Variants in PDE10A observed in about 807,000 individuals in gnomAD.
The protein encoded by PDE10A is cAMP and cAMP-inhibited cGMP 3',5'-cyclic phosphodiesterase 10A.
PDE10A carries 39 observed loss-of-function variants against 97.7 expected under a neutral mutation model. The ratio of observed to expected loss-of-function variants is 0.40; its 90% CI spans 0.31 to 0.52. The LOEUF (loss-of-function observed/expected upper bound fraction) is 0.52. Among genes scored for constraint, PDE10A ranks in the 20% least tolerant of loss-of-function variants. The pLI is 0.56. For missense variants in PDE10A, 731 were observed against 1,047.8 expected (o/e 0.70, Z 4.17); for synonymous variants, 371 against 376.8 (o/e 0.98, Z 0.18).
chr6:165,343,554 T>A (rs774418958), intron 18 of PDE10A, 52 bp from the exon 19 acceptor site: 3 of 1,273,000 alleles, frequency 2.4e-6, no homozygotes, highest in Non-Finnish European at 3.5e-6. Flanking sequence ...ACATTTATAG[T>A]AAGGACTAGA....
At chr6:165,872,999 G>A (rs954924731) in intron 1 of PDE10A, among the ~76,000 whole-genome samples, 3 of 152,180 alleles carry the variant, frequency 2.0e-5, no homozygotes, top group African/African-American at 4.8e-5. Context: ...GGGTAACGCC[G>A]ATGTGGGAGG....
rs1433382088 is a variant in PDE10A at position 165,623,044 on chromosome 6, C to A, written c.865+38903G>T. On this transcript the variant is annotated intron_variant, in intron 1 of 21. Transcript: ENST00000539869. The stretch of plus-strand genomic sequence containing the variant: ...ATGAGTGTAAACTTCCTGAGGCCCA[C>A]CCAGAAGCTGAGCAGATGCCAGCAT... 2.6e-5 allele frequency among the ~76,000 whole-genome samples: 4 copies of A among 152,356 alleles called. No individual in the cohort carries two copies. In the East Asian group the frequency reaches 7.7e-4, roughly 29 times the overall value.
chr6:165,632,471 A>G lies in PDE10A; in HGVS notation c.865+29476T>C, dbSNP rs545689954. Reference sequence around the variant, plus strand: ...TTTCTTTAGGCTGTAATCTCTACCAACATCTTAGACTTCAGGGAATCATTG... The same window carrying G: ...TTTCTTTAGGCTGTAATCTCTACCAGCATCTTAGACTTCAGGGAATCATTG... On this transcript the variant is annotated intron_variant, in intron 1 of 21. Transcript: ENST00000539869. Among the ~76,000 whole-genome samples, 4 of 152,294 alleles carry G rather than the reference A, an allele frequency of 2.6e-5. No homozygotes were observed. The East Asian group carries it at 7.7e-4, about 29-fold the overall frequency.
At chr6:165,548,806 T>C (rs903782608) in intron 1 of PDE10A, among the ~76,000 whole-genome samples, 16 of 152,224 alleles carry the variant, frequency 1.1e-4, no homozygotes, top group Non-Finnish European at 4.4e-5. Context: ...ACAGTTCATG[T>C]AGATCAAACA....
chr6:165,864,250 G>GA (rs1257849584), intron 1 of PDE10A, among the ~76,000 whole-genome samples: 1 of 152,128 alleles, frequency 6.6e-6, no homozygotes, highest in Non-Finnish European at 1.5e-5. Flanking sequence ...AAGTTTGTCA[G>GA]AAAAAACTGT....
intron 13 of PDE10A, among the ~76,000 whole-genome samples, chr6:165,408,823 A>G (rs74422837): frequency 0.017 from 2,660 of 152,210 alleles, 81 homozygotes; most frequent in African/African-American, 0.058. Flanking sequence ...AAAAACTTCA[A>G]AAATAATATA....
At chr6:165,745,271 C>T (rs995443696) in intron 1 of PDE10A, among the ~76,000 whole-genome samples, 3 of 152,104 alleles carry the variant, frequency 2.0e-5, no homozygotes, top group Non-Finnish European at 4.4e-5. Context: ...CTTGTATTAT[C>T]CGCCATATAT....
At chr6:165,548,522 T>C (rs1180543094) in intron 1 of PDE10A, among the ~76,000 whole-genome samples, 2 of 152,154 alleles carry the variant, frequency 1.3e-5, no homozygotes, top group Non-Finnish European at 2.9e-5. Context: ...GGGTTTAGCA[T>C]GTTCCTCCGC....
intron 1 of PDE10A, among the ~76,000 whole-genome samples, chr6:165,860,789 A>G (rs1428708908): frequency 6.6e-6 from 1 of 152,182 alleles, no homozygotes; most frequent in Non-Finnish European, 1.5e-5. Flanking sequence ...TGGACCTGAG[A>G]GCAAACTCAC....
intron 16 of PDE10A, among the ~76,000 whole-genome samples, chr6:165,392,423 G>A (rs1019584429): frequency 3.3e-5 from 5 of 152,056 alleles, no homozygotes; most frequent in Non-Finnish European, 7.4e-5. Context: ...TTCCTTGGGG[G>A]ATATTTTGAT....
chr6:165,732,916 G>C (rs1475838561), intron 1 of PDE10A, among the ~76,000 whole-genome samples: 1 of 152,176 alleles, frequency 6.6e-6, no homozygotes, highest in East Asian at 1.9e-4. Flanking sequence ...TCTCCTTCGC[G>C]TGCTGGTTTC....
chr6:165,529,504 G>A (rs1291406320), intron 2 of PDE10A, among the ~76,000 whole-genome samples: 1 of 152,188 alleles, frequency 6.6e-6, no homozygotes, highest in Non-Finnish European at 1.5e-5. Context: ...AGGAAATACA[G>A]AATGGGTAGT....
intron 1 of PDE10A, among the ~76,000 whole-genome samples, chr6:165,973,998 C>T (rs531984842): frequency 6.6e-6 from 1 of 152,292 alleles, no homozygotes; most frequent in East Asian, 1.9e-4. Flanking sequence ...CTACAAAGTA[C>T]CATTTGAATC....
intron 1 of PDE10A, among the ~76,000 whole-genome samples, chr6:165,966,417 C>G (rs144904750): frequency 1.2e-3 from 186 of 152,340 alleles, no homozygotes; most frequent in African/African-American, 4.2e-3. Context: ...TCGCTGTAGC[C>G]TACTGCATGT....
intron 1 of PDE10A, among the ~76,000 whole-genome samples, chr6:165,980,849 G>A (rs1257805189): frequency 6.6e-6 from 1 of 152,166 alleles, no homozygotes; most frequent in Non-Finnish European, 1.5e-5. Context: ...AGGAAGGAAA[G>A]GGAAAGTCAA....
At chr6:165,507,320 C>T (rs1217698811) in intron 2 of PDE10A, among the ~76,000 whole-genome samples, 1 of 152,020 alleles carries the variant, frequency 6.6e-6, no homozygotes, top group Non-Finnish European at 1.5e-5. Context: ...TACAGTAGCC[C>T]AGTACAAGGA....
intron 1 of PDE10A, among the ~76,000 whole-genome samples, chr6:165,813,414 C>T (rs974623015): frequency 1.6e-4 from 23 of 148,326 alleles, no homozygotes; most frequent in Non-Finnish European, 3.2e-4. Flanking sequence ...GAGACGTGAC[C>T]GTCTGCTACT....
chr6:165,610,743 T>C (rs984617086), intron 1 of PDE10A, among the ~76,000 whole-genome samples: 1 of 152,154 alleles, frequency 6.6e-6, no homozygotes, highest in Admixed American at 6.5e-5. Flanking sequence ...TAAGAAAAAG[T>C]GGCCTTCAAA....
intron 18 of PDE10A, among the ~76,000 whole-genome samples, chr6:165,357,675 T>C (rs1247185317): frequency 6.6e-6 from 1 of 152,158 alleles, no homozygotes; most frequent in African/African-American, 2.4e-5. Flanking sequence ...TACTCTCTTA[T>C]TATCCCAATG....
Sources: gnomAD v4.1 joint callset for allele counts (sites outside exome capture counted in the v4.1 genomes callset) on GRCh38, gnomAD v4.1.1 for gene constraint, MANE v1.5 for transcripts, NCBI Gene and HGNC (gene_info 2026-07-23, HGNC 2026-07-21) for gene names.